The following RGMA variants were observed in gnomAD, a reference collection of about 807,000 sequenced individuals.
RGMA encodes repulsive guidance molecule BMP co-receptor a, also known as repulsive guidance molecule A.
A neutral mutation model predicts 23.2 loss-of-function variants in RGMA; 10 were observed. The observed-to-expected ratio is 0.43, with a 90% CI of 0.27 to 0.73. The LOEUF (loss-of-function observed/expected upper bound fraction) is 0.73, where lower values mean the gene tolerates loss of function less well. Ranked by LOEUF, RGMA falls within the 30% of genes least tolerant of loss-of-function variation. RGMA has a pLI of 0.20. For missense variants in RGMA, 547 were observed against 630.5 expected, an observed-to-expected ratio of 0.87 and a Z score of 1.42; for synonymous variants, 308 against 279.3, an observed-to-expected ratio of 1.10 and a Z score of -1.03.
At chr15:93,084,023 C>T (rs1353266933) in intron 1 of RGMA, among the ~76,000 whole-genome samples, 1 of 152,168 alleles carries the variant, frequency 6.6e-6, no homozygotes, top group African/African-American at 2.4e-5. Context: ...ACATTAGACA[C>T]CAAAACTTCC....
chr15:93,056,394 A>C (rs1273786700), intron 2 of RGMA, among the ~76,000 whole-genome samples: 1 of 125,910 alleles, frequency 7.9e-6, no homozygotes. Flanking sequence ...AGCGGCTAAG[A>C]AGCGCCTGAG....
At chr15:93,087,469 A>AAAAAAC (rs1247299432) in intron 1 of RGMA, among the ~76,000 whole-genome samples, 1 of 149,182 alleles carries the variant, frequency 6.7e-6, no homozygotes, top group African/African-American at 2.5e-5. Flanking sequence ...ATGTGCAAAA[A>AAAAAAC]AAAAAAAAAA....
At position 93,052,067 on chromosome 15, in the gene RGMA, C is replaced by A; in HGVS notation, c.571G>T (p.Asp191Tyr). 6.2e-7 allele frequency: 1 copy of A among 1,612,590 alleles called. No individual in the cohort carries two copies. Among genetic ancestry groups the A allele is most frequent in the East Asian group, 2.2e-5 (1 of 44,838 alleles). The change falls in exon 3 of 4, where the codon GAC (aspartate) becomes TAC (tyrosine). Residue 191 changes from aspartate (D) to tyrosine (Y), a missense_variant. Asp to Tyr is a radical substitution (Grantham distance 160, BLOSUM62 -3). Transcript: ENST00000329082. ...ACCTGCACGTTCAGGTAATTATTGTCGATGAGCGGCCAGGCGCCCTGCACC... is the reference window on the plus strand; with the variant it reads ...ACCTGCACGTTCAGGTAATTATTGTAGATGAGCGGCCAGGCGCCCTGCACC... ...CKVQGAWPLI[D>Y]NNYLNVQVTN...
chr15:93,065,639 G>GGGGCTGC, intron 2 of RGMA: 2 of 923,192 alleles, frequency 2.2e-6, no homozygotes, highest in Non-Finnish European at 3.4e-6. Context: ...TGAGGTCTCA[G>GGGGCTGC]GGGCTGCGGG....
chr15:93,063,334 G>A (rs866587187), intron 2 of RGMA, among the ~76,000 whole-genome samples: 11 of 152,350 alleles, frequency 7.2e-5, no homozygotes, highest in Non-Finnish European at 1.0e-4. Flanking sequence ...GGGGCTGGCC[G>A]GCTCACACCC....
At chr15:93,053,185 G>C (rs977612601) in intron 2 of RGMA, among the ~76,000 whole-genome samples, 1 of 152,194 alleles carries the variant, frequency 6.6e-6, no homozygotes, top group Non-Finnish European at 1.5e-5. Flanking sequence ...AAGCTGAGAA[G>C]CAACTGAGAG....
At chr15:93,088,176 T>A (rs758021449) in intron 1 of RGMA, 7 of 794,868 alleles carry the variant, frequency 8.8e-6, no homozygotes, top group African/African-American at 1.9e-5. Context: ...TCCGAGCAAG[T>A]CTAATACAAT....
intron 2 of RGMA, chr15:93,066,669 C>T (rs1483416436): frequency 2.2e-5 from 9 of 404,178 alleles, no homozygotes; most frequent in Non-Finnish European, 4.3e-5. Flanking sequence ...GGGTCCAGTA[C>T]CGGCCCCCGC....
At chr15:93,056,835 TGAG>T (rs768141254) in intron 2 of RGMA, among the ~76,000 whole-genome samples, 53 of 152,246 alleles carry the variant, frequency 3.5e-4, no homozygotes, top group South Asian at 8.3e-4. Context: ...GCTGAGGATA[TGAG>T]GAGATGTACA....
At chr15:93,073,425 G>A (rs1282870919) in intron 1 of RGMA, 6 of 778,616 alleles carry the variant, frequency 7.7e-6, no homozygotes, top group East Asian at 6.6e-5. Context: ...TCTCCAGCCC[G>A]CGGCTGTCCT....
chr15:93,066,351 C>T (rs1040468798), intron 2 of RGMA: 48 of 749,702 alleles, frequency 6.4e-5, no homozygotes, highest in African/African-American at 2.4e-4. Flanking sequence ...GCCCAGGACT[C>T]GGAGTGCCAG....
At chr15:93,054,589 G>A (rs1349853018) in intron 2 of RGMA, among the ~76,000 whole-genome samples, 2 of 152,170 alleles carry the variant, frequency 1.3e-5, no homozygotes, top group Admixed American at 6.5e-5. Context: ...TTTGCCTTCT[G>A]TCATGATTGT....
At chr15:93,055,495 C>T (rs1000985410) in intron 2 of RGMA, among the ~76,000 whole-genome samples, 1 of 152,244 alleles carries the variant, frequency 6.6e-6, no homozygotes, top group African/African-American at 2.4e-5. Context: ...GGGCTGACTT[C>T]TTGCCCAAGT....
rs2204778 is a variant in RGMA, at chr15:93,083,945, G to T, written c.14+4974C>A. Among the ~76,000 whole-genome samples the T allele has an allele frequency of 6.4e-3, 980 of 152,280 alleles. 13 individuals carry two copies. Among genetic ancestry groups the T allele is most frequent in the African/African-American group, 0.022 (930 of 41,550 alleles). ...CCTAGGAAAATGCAATTGCACAAAA[G>T]AATCTATTTATTATTTATACTTTAC... On this transcript the variant is annotated intron_variant, in intron 1 of 3. Transcript: ENST00000329082.
In RGMA at chr15:93,036,171, C is replaced by T. The variant is rs1053135469; in HGVS notation, c.*8827G>A. The T allele has an allele frequency of 3.3e-5, 5 of 152,246 alleles. No individual in the cohort carries two copies. Among genetic ancestry groups the T allele is most frequent in the African/African-American group, 4.8e-5 (2 of 41,448 alleles). 9.4% of individuals were successfully genotyped at this position (152,246 alleles called of 1,614,324 possible). ...GCGGGCACATTCATTCGAGCGACCA[C>T]AGCTGTACTGCCGACATCAAGCATA... On this transcript the variant is annotated 3_prime_UTR_variant, in exon 4 of 4. Transcript: ENST00000329082.
In RGMA at chr15:93,045,258, T is replaced by C; in HGVS notation, c.1093A>G (p.Lys365Glu). The C allele has an allele frequency of 6.2e-7, 1 of 1,613,056 alleles. No individual in the cohort carries two copies. Among genetic ancestry groups the C allele is most frequent in the Non-Finnish European group, 8.5e-7 (1 of 1,179,762 alleles). Residue 365 changes from lysine to glutamate, a missense_variant, in exon 4 of 4, where the codon AAG becomes GAG. This residue lies in a region of RGMA where 205 missense variants were observed against 204.1 expected (regional missense o/e 1.00). Transcript: ENST00000329082. The surrounding 1 kb of genome is among the most constrained non-coding windows in gnomAD (Gnocchi z 6.9). ...FPYETAVAKCKEKLPVEDLYY... is the reference protein window; with the variant it reads ...FPYETAVAKCEEKLPVEDLYY... ...AGGTCCTCCACCGGCAGCTTCTCCT[T>C]GCACTTGGCCACGGCTGTCTCGTAT...
Position 93,053,773 on chromosome 15 carries a change from G to A in RGMA, c.131-1266C>T, listed in dbSNP as rs994511839. ...GCACAAGTCACCTTCCCAGATCACA[G>A]ACTTGAGCACGGGCGAGTCAGTGCT... On this transcript the variant is annotated intron_variant, in intron 2 of 3. Transcript: ENST00000329082. 2.6e-5 allele frequency among the ~76,000 whole-genome samples: 4 copies of A among 152,288 alleles called. No homozygotes were observed. The East Asian group carries it at 7.7e-4, about 29-fold the overall frequency.
rs2141834028 is a variant in RGMA at position 93,067,312 on chromosome 15, T to C, written c.130+5604A>G. On this transcript the variant is annotated intron_variant, in intron 2 of 3. Coordinates refer to ENST00000329082, the MANE Select transcript of RGMA (RefSeq NM_020211.3). ...AAAAAAATCCTGTGGTCTTTGCCCA[T>C]TGAGCAAAACCCAAAACAAACAGAA... 2.6e-5 allele frequency among the ~76,000 whole-genome samples: 4 copies of C among 152,206 alleles called. No individual in the cohort carries two copies. The South Asian group carries it at 8.3e-4, about 32-fold the overall frequency.
chr15:93,051,964 G>A lies in RGMA; in HGVS notation c.645+29C>T, dbSNP rs768422682. 7.1e-6 allele frequency: 11 copies of A among 1,557,386 alleles called. No individual in the cohort carries two copies. In the South Asian group the frequency reaches 8.2e-5, roughly 12 times the overall value. ...CAGGGCAGAGACAAAGGGCAGGGCTGTGCCCTACAGCCGCCCCCTCCCCCT... is the reference window on the plus strand; with the variant it reads ...CAGGGCAGAGACAAAGGGCAGGGCTATGCCCTACAGCCGCCCCCTCCCCCT... On this transcript the variant is annotated intron_variant, in intron 3 of 3. Transcript: ENST00000329082.
Sources: allele counts gnomAD v4.1 joint callset (sites outside exome capture counted in the v4.1 genomes callset), GRCh38; gene constraint gnomAD v4.1.1; regional missense constraint gnomAD v4.1.1; non-coding constraint Gnocchi (gnomAD v3.1); transcripts MANE v1.5; gene names NCBI Gene and HGNC (gene_info 2026-07-23, HGNC 2026-07-21).